The following MPRIP variants were observed in gnomAD, a reference collection of about 807,000 sequenced individuals.
MPRIP encodes myosin phosphatase Rho-interacting protein.
MPRIP carries 59 observed loss-of-function variants against 234.9 expected under a neutral mutation model. The ratio of observed to expected loss-of-function variants is 0.25; its 90% CI spans 0.20 to 0.31. MPRIP has a LOEUF of 0.31. Among genes scored for constraint, MPRIP ranks in the 10% least tolerant of loss-of-function variants. MPRIP has a pLI of 1.00. For synonymous variants in MPRIP, 1,144 were observed against 1,263.9 expected, an observed-to-expected ratio of 0.91 and a Z score of 2.01; for missense variants, 2,436 against 3,071.0, an observed-to-expected ratio of 0.79 and a Z score of 4.89.
rs1369927692 is a variant in MPRIP, at chr17:17,166,748, C to T, written c.5157C>T (p.Asp1719=). Residue 1719 remains aspartate, a synonymous_variant, in exon 16 of 24, where the codon GAC becomes GAT. Transcript: ENST00000651222. This position sits in a 1 kb window ranked among gnomAD's most constrained non-coding sequence, Gnocchi z 4.4. The part of the protein sequence containing the change: ...REILGAYQTP[D]FERVMQQVLE... ...TCCTGGGAGCCTACCAAACCCCAGACTTTGAAAGAGTGATGCAGCAGGTCT... is the reference window on the plus strand; with the variant it reads ...TCCTGGGAGCCTACCAAACCCCAGATTTTGAAAGAGTGATGCAGCAGGTCT... 7.7e-7 allele frequency: 1 copy of T among 1,304,222 alleles called. No individual in the cohort carries two copies. Among genetic ancestry groups the T allele is most frequent in the Non-Finnish European group, 1.0e-6 (1 of 988,966 alleles). The allele number at this position is 1,304,222 out of a possible 1,614,324, so 80.8% of individuals were successfully genotyped here. A position where few individuals can be genotyped will look rare whatever the true frequency, so the allele number is the denominator to read the frequency against.
chr17:17,134,963 A>G (rs1486072812), intron 5 of MPRIP, among the ~76,000 whole-genome samples: 1 of 152,276 alleles, frequency 6.6e-6, no homozygotes, highest in African/African-American at 2.4e-5. Flanking sequence ...CCCAAGCCAG[A>G]GAGAGACTAA....
rs35187618 is a variant in MPRIP, at chr17:17,067,790, CTTTTTTTTTTT to C, written c.124-7906_124-7896del. ...GTGTTTCTTCTTCTTCTTCTTCTTC[CTTTTTTTTTTT>C]TTTTTTTTTTTTTAACAATTATATA... On this transcript the variant is annotated intron_variant, in intron 1 of 23. Coordinates refer to ENST00000651222, the MANE Select transcript of MPRIP (RefSeq NM_001364716.4). 1.3e-4 allele frequency among the ~76,000 whole-genome samples: 10 copies of C among 76,770 alleles called. No homozygotes were observed. In the East Asian group the frequency reaches 1.4e-3, roughly 10 times the overall value. 50.4% of individuals were successfully genotyped at this position (76,770 alleles called of 152,430 possible).
intron 3 of MPRIP, among the ~76,000 whole-genome samples, chr17:17,088,914 G>C (rs1300750740): frequency 6.6e-6 from 1 of 152,358 alleles, no homozygotes; most frequent in Admixed American, 6.5e-5. Context: ...CCGGGGAGCA[G>C]TTGCACTGGT....
chr17:17,114,686 C>T (rs2090247117), intron 3 of MPRIP, among the ~76,000 whole-genome samples: 1 of 141,892 alleles, frequency 7.0e-6, no homozygotes, highest in South Asian at 2.2e-4. Flanking sequence ...CATGCCTCTC[C>T]TACCTTCTTC....
At chr17:17,050,553 C>T (rs2088506944) in intron 1 of MPRIP, among the ~76,000 whole-genome samples, 1 of 152,158 alleles carries the variant, frequency 6.6e-6, no homozygotes, top group South Asian at 2.1e-4. Flanking sequence ...GAGTTTCCTC[C>T]GTCCCTCCCT....
At chr17:17,082,613 T>G (rs1454989939) in intron 3 of MPRIP, among the ~76,000 whole-genome samples, 2 of 152,316 alleles carry the variant, frequency 1.3e-5, no homozygotes, top group East Asian at 3.9e-4. Flanking sequence ...TGTTTTTAAC[T>G]GTGGTAAGTA....
intron 14 of MPRIP, among the ~76,000 whole-genome samples, chr17:17,159,704 G>A (rs1312368879): frequency 6.6e-6 from 1 of 152,260 alleles, no homozygotes; most frequent in African/African-American, 2.4e-5. Context: ...TGTCTGGGCA[G>A]GGAGTCTCGT....
intron 3 of MPRIP, among the ~76,000 whole-genome samples, chr17:17,110,108 C>T (rs2090141205): frequency 6.6e-6 from 1 of 152,034 alleles, no homozygotes; most frequent in Non-Finnish European, 1.5e-5. Context: ...GGTTCTTGCT[C>T]TGTTAGTTTC....
chr17:17,089,792 T>C (rs918122378), intron 3 of MPRIP, among the ~76,000 whole-genome samples: 1 of 152,152 alleles, frequency 6.6e-6, no homozygotes, highest in Non-Finnish European at 1.5e-5. Context: ...AGAGCATTTG[T>C]GTTTTCAGTG....
chr17:17,158,668 C>G lies in MPRIP; in HGVS notation c.2066C>G (p.Pro689Arg). The change falls in exon 14 of 24, where the codon CCC (proline) becomes CGC (arginine). Residue 689 changes from proline (P) to arginine (R), a missense_variant. Transcript: ENST00000651222. ...GTGGGGCCTGCTGACACCCACGAGC[C>G]CCTGCGCCCTGAGGCGGAGCCTGGG... is the stretch of plus-strand genomic sequence containing the variant. Reference protein sequence around the residue: ...GGVGPADTHEPLRPEAEPGEL... With the variant: ...GGVGPADTHERLRPEAEPGEL... 2 of 1,606,284 alleles carry G rather than the reference C, an allele frequency of 1.2e-6. No individual in the cohort carries two copies. The highest frequency in any genetic ancestry group is 1.7e-6 in the Non-Finnish European group (2 of 1,177,648).
intron 18 of MPRIP, among the ~76,000 whole-genome samples, chr17:17,173,215 C>T (rs1036978811): frequency 2.6e-5 from 4 of 152,246 alleles, no homozygotes; most frequent in African/African-American, 7.2e-5. Context: ...GTGCTGATTC[C>T]CTCTGCACAG....
At chr17:17,115,550 T>C (rs772127851) in intron 3 of MPRIP, among the ~76,000 whole-genome samples, 2 of 152,214 alleles carry the variant, frequency 1.3e-5, no homozygotes, top group Non-Finnish European at 2.9e-5. Flanking sequence ...TTCTGTTTTG[T>C]TTTGTTTGAA....
At chr17:17,084,993 C>T (rs118013177) in intron 3 of MPRIP, among the ~76,000 whole-genome samples, 21 of 152,274 alleles carry the variant, frequency 1.4e-4, no homozygotes, top group Non-Finnish European at 2.8e-4. Context: ...GACAGGGAAC[C>T]GGGGAAGATG....
At position 17,160,414 on chromosome 17, in the gene MPRIP, C is replaced by T. The variant is rs529977177; in HGVS notation, c.2401-826C>T. 2.6e-5 allele frequency among the ~76,000 whole-genome samples: 4 copies of T among 152,352 alleles called. No individual in the cohort carries two copies. In the East Asian group the frequency reaches 5.8e-4, roughly 22 times the overall value. On this transcript the variant is annotated intron_variant, in intron 14 of 23. Coordinates refer to ENST00000651222, the MANE Select transcript of MPRIP (RefSeq NM_001364716.4). ...GTCTCCCCGCCTCTCACAGCACAGTCTGTCAGCACCCTGGGCGGCACTGGC... is the reference window on the plus strand; with the variant it reads ...GTCTCCCCGCCTCTCACAGCACAGTTTGTCAGCACCCTGGGCGGCACTGGC...
chr17:17,156,083 C>A (rs1349388529), intron 13 of MPRIP, among the ~76,000 whole-genome samples: 1 of 152,238 alleles, frequency 6.6e-6, no homozygotes, highest in Non-Finnish European at 1.5e-5. Context: ...GCCTGAGGTC[C>A]TCTCCTGCCC....
At chr17:17,173,819 C>A in intron 18 of MPRIP, 97 bp from the exon 19 acceptor site, 1 of 1,400,502 alleles carries the variant, frequency 7.1e-7, no homozygotes, top group Non-Finnish European at 1.0e-6. Context: ...GTGGGCCTGA[C>A]CTGTGCTTGG....
At chr17:17,131,411 C>T (rs529121955) in intron 4 of MPRIP, among the ~76,000 whole-genome samples, 5 of 152,362 alleles carry the variant, frequency 3.3e-5, no homozygotes, top group East Asian at 1.9e-4. Context: ...TCTGCCAGCA[C>T]GGAGTCTGTG....
chr17:17,065,039 G>A (rs988371879), intron 1 of MPRIP, among the ~76,000 whole-genome samples: 13 of 152,042 alleles, frequency 8.6e-5, no homozygotes, highest in Non-Finnish European at 2.9e-5. Flanking sequence ...AAAATAAGAT[G>A]TTCATAAATA....
chr17:17,147,247 C>A, intron 10 of MPRIP, 72 bp from the exon 11 acceptor site: 1 of 1,461,976 alleles, frequency 6.8e-7, no homozygotes, highest in Non-Finnish European at 9.6e-7. Context: ...TCTGGCTGCG[C>A]ACCGCCGTGG....
Sources: gnomAD v4.1 joint callset for allele counts (sites outside exome capture counted in the v4.1 genomes callset) on GRCh38, gnomAD v4.1.1 for gene constraint, Gnocchi (gnomAD v3.1) non-coding constraint, MANE v1.5 for transcripts, NCBI Gene and HGNC (gene_info 2026-07-23, HGNC 2026-07-21) for gene names.